Variants in SLC7A1 observed in about 807,000 individuals in gnomAD.
The protein encoded by SLC7A1 is solute carrier family 7 member 1, also known as high affinity cationic amino acid transporter 1.
In SLC7A1, 10 loss-of-function variants were observed where a neutral mutation model predicts 53.9. The observed-to-expected ratio is 0.19, with a 90% confidence interval of 0.11 to 0.31. SLC7A1 has a LOEUF of 0.31. Ranked by LOEUF, SLC7A1 falls within the 10% of genes least tolerant of loss-of-function variation. SLC7A1 has a pLI of 1.00. For synonymous variants in SLC7A1, 342 were observed against 338.7 expected (o/e 1.01, Z -0.11); for missense variants, 525 against 827.2 (o/e 0.63, Z 4.48).
intron 1 of SLC7A1, among the ~76,000 whole-genome samples, chr13:29,587,143 T>A (rs190838711): frequency 6.6e-6 from 1 of 152,160 alleles, no homozygotes; most frequent in East Asian, 1.9e-4. Flanking sequence ...TTTTCACACA[T>A]AACATAGACT....
At chr13:29,579,359 A>G (rs1294102937) in intron 1 of SLC7A1, among the ~76,000 whole-genome samples, 1 of 142,404 alleles carries the variant, frequency 7.0e-6, no homozygotes, top group Non-Finnish European at 1.5e-5. Flanking sequence ...AGCATCCACT[A>G]GCAATTTTTT....
At chr13:29,562,849 C>A (rs563609735) in intron 1 of SLC7A1, among the ~76,000 whole-genome samples, 22 of 152,292 alleles carry the variant, frequency 1.4e-4, no homozygotes, top group African/African-American at 4.3e-4. Flanking sequence ...AAGGAAGAAA[C>A]AGTAAGATAT....
At chr13:29,584,698 C>T (rs545651085) in intron 1 of SLC7A1, among the ~76,000 whole-genome samples, 21 of 151,974 alleles carry the variant, frequency 1.4e-4, no homozygotes, top group African/African-American at 4.8e-4. Flanking sequence ...TATACACAGA[C>T]TTAAAGACAT....
At chr13:29,577,895 T>C (rs1017113711) in intron 1 of SLC7A1, among the ~76,000 whole-genome samples, 2 of 152,122 alleles carry the variant, frequency 1.3e-5, no homozygotes, top group African/African-American at 4.8e-5. Flanking sequence ...GAGAACCACG[T>C]TCTTCTGGAG....
Position 29,581,615 on chromosome 13 carries a change from G to C in SLC7A1, c.-115+13801C>G, listed in dbSNP as rs573293246. ...GCCAAGCATGCGCTGTCCCCTCTAA[G>C]TGGCATTCTGGTTTAAGGTCTTACG... is the stretch of plus-strand genomic sequence containing the variant. On this transcript the variant is annotated intron_variant, in intron 1 of 12. Transcript: ENST00000380752. Among the ~76,000 whole-genome samples the C allele has an allele frequency of 1.3e-4, 20 of 152,318 alleles. No individual in the cohort carries two copies. In the East Asian group the frequency reaches 3.1e-3, roughly 23 times the overall value.
intron 5 of SLC7A1, among the ~76,000 whole-genome samples, chr13:29,527,560 A>G (rs558303582): frequency 2.6e-5 from 4 of 152,338 alleles, no homozygotes; most frequent in Admixed American, 1.3e-4. Context: ...CTCACATGTG[A>G]AAGAGAGGGG....
At chr13:29,536,890 T>G (rs1371677505) in intron 2 of SLC7A1, among the ~76,000 whole-genome samples, 1 of 152,128 alleles carries the variant, frequency 6.6e-6, no homozygotes, top group Non-Finnish European at 1.5e-5. Flanking sequence ...ATATGATATA[T>G]ATGCATATCT....
chr13:29,517,550 C>T (rs1222133559), intron 10 of SLC7A1, 23 bp downstream of exon 10: 1 of 1,578,966 alleles, frequency 6.3e-7, no homozygotes, highest in South Asian at 1.1e-5. Context: ...CAAGCAAGGC[C>T]CCAGGGAAGG....
chr13:29,528,523 T>C (rs1399247441), intron 5 of SLC7A1, among the ~76,000 whole-genome samples: 1 of 152,056 alleles, frequency 6.6e-6, no homozygotes, highest in Non-Finnish European at 1.5e-5. Flanking sequence ...CTCCTGCATG[T>C]TATATGGATT....
chr13:29,541,070 G>C (rs1352075344), intron 2 of SLC7A1, among the ~76,000 whole-genome samples: 2 of 152,106 alleles, frequency 1.3e-5, no homozygotes, highest in Non-Finnish European at 2.9e-5. Flanking sequence ...GTGGGAGAAG[G>C]GGATGCTGGC....
intron 2 of SLC7A1, among the ~76,000 whole-genome samples, chr13:29,547,302 C>T (rs1479312822): frequency 2.0e-5 from 3 of 152,174 alleles, no homozygotes; most frequent in African/African-American, 7.2e-5. Flanking sequence ...CCAAGACCCG[C>T]TGGCTGTGAG....
intron 1 of SLC7A1, among the ~76,000 whole-genome samples, chr13:29,566,844 A>G (rs6490411): frequency 0.14 from 21,587 of 152,214 alleles, 2,042 homozygotes; most frequent in African/African-American, 0.26. Context: ...CCCACTAACC[A>G]TGACAGGCAG....
At chr13:29,523,171 A>T in intron 7 of SLC7A1, 95 bp downstream of exon 7, 1 of 994,546 alleles carries the variant, frequency 1.0e-6, no homozygotes. Flanking sequence ...CTGGCAGCCG[A>T]TGTGTGTCTC....
At chr13:29,534,742 G>A (rs1229333770) in intron 3 of SLC7A1, among the ~76,000 whole-genome samples, 4 of 152,072 alleles carry the variant, frequency 2.6e-5, no homozygotes, top group African/African-American at 7.2e-5. Context: ...GAAGCAAGGC[G>A]GAACCCACAT....
chr13:29,525,865 G>A (rs1233315546), intron 5 of SLC7A1, among the ~76,000 whole-genome samples: 1 of 152,226 alleles, frequency 6.6e-6, no homozygotes. Context: ...AGTCAGCAGG[G>A]CCGCAGGACA....
chr13:29,577,968 TC>T (rs1282099747), intron 1 of SLC7A1, among the ~76,000 whole-genome samples: 3 of 152,152 alleles, frequency 2.0e-5, no homozygotes, highest in African/African-American at 7.2e-5. Flanking sequence ...CTGTGGAAAG[TC>T]CTGTTTGCTT....
At chr13:29,537,824 T>C (rs1383573952) in intron 2 of SLC7A1, among the ~76,000 whole-genome samples, 1 of 152,250 alleles carries the variant, frequency 6.6e-6, no homozygotes, top group African/African-American at 2.4e-5. Context: ...CAGTTGGTAT[T>C]TATTGACCTA....
intron 1 of SLC7A1, among the ~76,000 whole-genome samples, chr13:29,556,532 C>A (rs886236453): frequency 2.6e-5 from 4 of 152,174 alleles, no homozygotes; most frequent in African/African-American, 9.7e-5. Flanking sequence ...GTGCACACCA[C>A]CACGCCTGGC....
intron 2 of SLC7A1, 121 bp from the exon 3 acceptor site, chr13:29,536,323 C>G (rs937295741): frequency 3.9e-5 from 40 of 1,018,814 alleles, no homozygotes; most frequent in Non-Finnish European, 5.8e-5. Flanking sequence ...CCTGCTAAAA[C>G]GCTTTAATTC....
Sources: allele counts gnomAD v4.1 joint callset (sites outside exome capture counted in the v4.1 genomes callset), GRCh38; gene constraint gnomAD v4.1.1; transcripts MANE v1.5; gene names NCBI Gene and HGNC (gene_info 2026-07-23, HGNC 2026-07-21).